The following WIF1 variants were observed in gnomAD, a reference collection of about 807,000 sequenced individuals.
WIF1 encodes Wnt inhibitory factor 1.
A neutral mutation model predicts 53.5 loss-of-function variants in WIF1; 35 were observed. The observed-to-expected ratio is 0.65, with a 90% CI of 0.50 to 0.87. The LOEUF (loss-of-function observed/expected upper bound fraction) is 0.87. Among genes scored for constraint, WIF1 ranks in the 40% least tolerant of loss-of-function variants. The pLI is 0.00. For missense variants in WIF1, 467 were observed against 476.8 expected, an observed-to-expected ratio of 0.98 and a Z score of 0.19; for synonymous variants, 171 against 170.4, an observed-to-expected ratio of 1.00 and a Z score of -0.03.
At chr12:65,105,468 G>C (rs925402029) in intron 2 of WIF1, among the ~76,000 whole-genome samples, 3 of 152,182 alleles carry the variant, frequency 2.0e-5, no homozygotes, top group Non-Finnish European at 2.9e-5. Flanking sequence ...TCTTGATTCT[G>C]GTAGCTGGAA....
At chr12:65,118,894 G>A (rs781566458) in intron 2 of WIF1, among the ~76,000 whole-genome samples, 1 of 152,102 alleles carries the variant, frequency 6.6e-6, no homozygotes, top group Non-Finnish European at 1.5e-5. Context: ...GAGAGAGTGC[G>A]CACGAGAGAG....
intron 8 of WIF1, 94 bp downstream of exon 8, chr12:65,055,937 G>A (rs1360159478): frequency 4.6e-6 from 5 of 1,098,674 alleles, no homozygotes; most frequent in Non-Finnish European, 6.6e-6. Context: ...TGATGCCCAG[G>A]CAACATGCAC....
intron 3 of WIF1, among the ~76,000 whole-genome samples, chr12:65,074,775 A>C (rs1343834007): frequency 3.6e-5 from 5 of 139,922 alleles, no homozygotes; most frequent in African/African-American, 1.4e-4. Flanking sequence ...TGAGACCCGC[A>C]CCACTGCACT....
intron 2 of WIF1, among the ~76,000 whole-genome samples, chr12:65,104,676 T>A (rs529862505): frequency 1.6e-4 from 24 of 152,274 alleles, no homozygotes; most frequent in African/African-American, 5.3e-4. Context: ...TTAATAAGCA[T>A]TAGACATTTT....
intron 2 of WIF1, among the ~76,000 whole-genome samples, chr12:65,113,860 C>T (rs1027871661): frequency 3.3e-5 from 5 of 152,126 alleles, no homozygotes; most frequent in Admixed American, 2.6e-4. Context: ...TGTAAACATA[C>T]TCACATTCCC....
At chr12:65,115,549 G>A (rs1883496371) in intron 2 of WIF1, among the ~76,000 whole-genome samples, 2 of 152,170 alleles carry the variant, frequency 1.3e-5, no homozygotes, top group Admixed American at 1.3e-4. Flanking sequence ...GCCCCTGCCT[G>A]TCTCAAATTT....
At chr12:65,057,157 A>T (rs1882541145) in intron 7 of WIF1, among the ~76,000 whole-genome samples, 1 of 152,064 alleles carries the variant, frequency 6.6e-6, no homozygotes, top group Admixed American at 6.6e-5. Context: ...TGGGTGGAAA[A>T]CAGGAGTATG....
chr12:65,107,045 G>A (rs1243992181), intron 2 of WIF1, among the ~76,000 whole-genome samples: 1 of 152,078 alleles, frequency 6.6e-6, no homozygotes, highest in Non-Finnish European at 1.5e-5. Context: ...ATAGTAATGA[G>A]CTATTGAAAT....
intron 2 of WIF1, among the ~76,000 whole-genome samples, chr12:65,119,441 A>G (rs1235399876): frequency 6.6e-6 from 1 of 152,230 alleles, no homozygotes; most frequent in Non-Finnish European, 1.5e-5. Context: ...TAAAAAGGTC[A>G]TGTCTATACC....
chr12:65,082,509 C>T, intron 2 of WIF1, among the ~76,000 whole-genome samples: 1 of 152,116 alleles, frequency 6.6e-6, no homozygotes, highest in Non-Finnish European at 1.5e-5. Context: ...GAGAATAATT[C>T]ACTGGCATGG....
Position 65,116,660 on chromosome 12 carries a change from C to T in WIF1, c.288+3757G>A, listed in dbSNP as rs766968555. 1.6e-4 allele frequency among the ~76,000 whole-genome samples: 25 copies of T among 152,062 alleles called. 1 individual carries two copies. Among genetic ancestry groups the T allele is most frequent in the Middle Eastern group, 3.4e-3 (1 of 294 alleles). ...CATAGAAAAATTGTCTTCCACCAGGCGTGGTGGCTCACGCCTGTAATCCCA... is the reference window on the plus strand; with the variant it reads ...CATAGAAAAATTGTCTTCCACCAGGTGTGGTGGCTCACGCCTGTAATCCCA... On this transcript the variant is annotated intron_variant, in intron 2 of 9. Transcript: ENST00000286574.
chr12:65,077,888 G>A, intron 2 of WIF1, 34 bp from the exon 3 acceptor site: 1 of 1,531,978 alleles, frequency 6.5e-7, no homozygotes, highest in South Asian at 1.1e-5. Context: ...TAGTAACATG[G>A]AAACCAGAGA....
intron 2 of WIF1, among the ~76,000 whole-genome samples, chr12:65,102,418 C>G (rs1883295678): frequency 6.6e-6 from 1 of 152,162 alleles, no homozygotes; most frequent in African/African-American, 2.4e-5. Context: ...AGCAGGAGTT[C>G]TCTCTCCCCA....
chr12:65,083,811 C>CT (rs1882988741), intron 2 of WIF1: 5 of 342,088 alleles, frequency 1.5e-5, no homozygotes, highest in East Asian at 1.2e-4. Flanking sequence ...CCTTTCCTTT[C>CT]CTTTCCTCTC....
chr12:65,093,071 G>T (rs116120010), intron 2 of WIF1, among the ~76,000 whole-genome samples: 185 of 152,228 alleles, frequency 1.2e-3, no homozygotes, highest in African/African-American at 4.1e-3. Context: ...ACACAGAAGA[G>T]GAGATTTTAA....
chr12:65,077,570 C>A (rs796897212), intron 3 of WIF1, among the ~76,000 whole-genome samples, 176 bp downstream of exon 3: 16 of 152,218 alleles, frequency 1.1e-4, no homozygotes, highest in African/African-American at 3.6e-4. Context: ...ACCATCATTT[C>A]TTCACTCCCA....
At chr12:65,099,081 C>A (rs754050802) in intron 2 of WIF1, among the ~76,000 whole-genome samples, 1 of 152,176 alleles carries the variant, frequency 6.6e-6, no homozygotes, top group Non-Finnish European at 1.5e-5. Context: ...AATTTATGGA[C>A]TCGATATAGA....
In WIF1 at chr12:65,112,404, T is replaced by TCACACACACACACACACACA. The variant is rs758383148; in HGVS notation, c.288+7993_288+8012dup. 9.2e-4 allele frequency among the ~76,000 whole-genome samples: 114 copies of TCACACACACACACACACACA among 123,534 alleles called. 1 individual carries two copies. Among genetic ancestry groups the TCACACACACACACACACACA allele is most frequent in the East Asian group, 4.5e-3 (18 of 4,002 alleles). 81.0% of individuals were successfully genotyped at this position (123,534 alleles called of 152,430 possible). On this transcript the variant is annotated intron_variant, in intron 2 of 9. Coordinates refer to ENST00000286574, the MANE Select transcript of WIF1 (RefSeq NM_007191.5). The stretch of plus-strand genomic sequence containing the variant: ...ATTTTTTTACAGTTCCCTGCTCTAA[T>TCACACACACACACACACACA]CACACACACACACACACACACACAC...
chr12:65,059,444 T>C (rs1360925991), intron 7 of WIF1, among the ~76,000 whole-genome samples: 4 of 152,230 alleles, frequency 2.6e-5, no homozygotes, highest in Admixed American at 6.5e-5. Context: ...CCTTTTCTAA[T>C]AATCCTTGCA....
Sources: allele counts gnomAD v4.1 joint callset (sites outside exome capture counted in the v4.1 genomes callset), GRCh38; gene constraint gnomAD v4.1.1; transcripts MANE v1.5; gene names NCBI Gene and HGNC (gene_info 2026-07-23, HGNC 2026-07-21).